The following TRAF3IP3 variants were observed in gnomAD, a reference collection of about 807,000 sequenced individuals.
TRAF3IP3 encodes TRAF3 interacting protein 3.
Under a neutral mutation model 86.5 loss-of-function variants are expected in TRAF3IP3, and 64 were observed. The ratio of observed to expected loss-of-function variants is 0.74; its 90% confidence interval spans 0.60 to 0.91. The LOEUF (loss-of-function observed/expected upper bound fraction) is 0.91, where lower values mean the gene tolerates loss of function less well. Among genes scored for constraint, TRAF3IP3 ranks in the 40% least tolerant of loss-of-function variants. TRAF3IP3 has a pLI of 0.00. For synonymous variants in TRAF3IP3, 220 were observed against 243.9 expected (o/e 0.90, Z 0.91); for missense variants, 579 against 642.9 (o/e 0.90, Z 1.07).
At chr1:209,769,079 A>G (rs1434344474) in intron 8 of TRAF3IP3, among the ~76,000 whole-genome samples, 1 of 152,232 alleles carries the variant, frequency 6.6e-6, no homozygotes, top group Non-Finnish European at 1.5e-5. Flanking sequence ...ATACTATGGA[A>G]TGGGGAGAGA....
chr1:209,777,495 T>G lies in TRAF3IP3; in HGVS notation c.1189+8T>G, dbSNP rs1202150702. ...ATACCCAGGACCTACAAGGTACTCT[T>G]CTCCTTGGAGGCCTTGAGTGCATGG... On this transcript the variant is annotated splice_region_variant and intron_variant, in intron 12 of 16. Coordinates refer to ENST00000367025, the MANE Select transcript of TRAF3IP3 (RefSeq NM_025228.4). 3 of 1,606,212 alleles carry G rather than the reference T, an allele frequency of 1.9e-6. No individual in the cohort carries two copies. The highest frequency in any genetic ancestry group is 2.6e-6 in the Non-Finnish European group (3 of 1,175,060).
At position 209,762,443 on chromosome 1, in the gene TRAF3IP3, T is replaced by C. The variant is rs1571913707; in HGVS notation, c.346-72T>C. 13 of 1,388,856 alleles carry C rather than the reference T, an allele frequency of 9.4e-6. No homozygotes were observed. In the East Asian group the frequency reaches 2.2e-4, roughly 24 times the overall value. The allele number at this position is 1,388,856 out of a possible 1,614,324, so 86.0% of individuals were successfully genotyped here. A position where few individuals can be genotyped will look rare whatever the true frequency, so the allele number is the denominator to read the frequency against. On this transcript the variant is annotated intron_variant, in intron 3 of 16. Coordinates refer to ENST00000367025, the MANE Select transcript of TRAF3IP3 (RefSeq NM_025228.4). ...ACAAACATGATGGTTAGTTCTTCCT[T>C]CCGAAATCATCAGGAGAGTCTTTCA...
chr1:209,772,700 T>C lies in TRAF3IP3; in HGVS notation c.703-248T>C, dbSNP rs538929851. ...CCCCCTGCTATGCTACCCTGAGCCATTTGATAAAAATCGAGGTAAAAAGAG... is the reference window on the plus strand; with the variant it reads ...CCCCCTGCTATGCTACCCTGAGCCACTTGATAAAAATCGAGGTAAAAAGAG... On this transcript the variant is annotated intron_variant, in intron 8 of 16. Transcript: ENST00000367025. 1.3e-4 allele frequency among the ~76,000 whole-genome samples: 20 copies of C among 151,338 alleles called. No homozygotes were observed. In the South Asian group the frequency reaches 4.1e-3, roughly 31 times the overall value.
At chr1:209,757,990 G>A (rs949797187) in intron 1 of TRAF3IP3, among the ~76,000 whole-genome samples, 1 of 152,248 alleles carries the variant, frequency 6.6e-6, no homozygotes, top group African/African-American at 2.4e-5. Flanking sequence ...ATGAGTCCAC[G>A]CAGTGTGACT....
Position 209,775,700 on chromosome 1 carries a change from G to A in TRAF3IP3, c.1017G>A (p.Leu339=). Residue 339 remains leucine (L), a synonymous_variant, in exon 11 of 17, where the codon CTG becomes CTA. Coordinates refer to ENST00000367025, the MANE Select transcript of TRAF3IP3 (RefSeq NM_025228.4). ...CCCTTGGGACCCAGCACAGGGAGCTGGAGAGCCAACTCCACGTGCTTCAGT... is the reference window on the plus strand; with the variant it reads ...CCCTTGGGACCCAGCACAGGGAGCTAGAGAGCCAACTCCACGTGCTTCAGT... The part of the protein sequence containing the change: ...WRTLGTQHRE[L]ESQLHVLQSK... 6.2e-7 allele frequency: 1 copy of A among 1,613,736 alleles called. No individual in the cohort carries two copies. The highest frequency in any genetic ancestry group is 8.5e-7 in the Non-Finnish European group (1 of 1,179,934).
At chr1:209,777,210 C>G (rs908313804) in intron 11 of TRAF3IP3, 142 bp from the exon 12 acceptor site, 4 of 624,118 alleles carry the variant, frequency 6.4e-6, no homozygotes. Context: ...AGAAAGACTT[C>G]TCTATTTTCT....
At chr1:209,777,305 C>G in intron 11 of TRAF3IP3, 47 bp from the exon 12 acceptor site, 1 of 1,567,558 alleles carries the variant, frequency 6.4e-7, no homozygotes, top group Non-Finnish European at 8.7e-7. Flanking sequence ...CCAACCTCCA[C>G]CCCAACACTG....
Position 209,779,356 on chromosome 1 carries a change from A to C in TRAF3IP3, c.1294A>C (p.Lys432Gln). 1 of 1,614,154 alleles carries C rather than the reference A, an allele frequency of 6.2e-7. No homozygotes were observed. The highest frequency in any genetic ancestry group is 8.5e-7 in the Non-Finnish European group (1 of 1,179,954). Residue 432 changes from lysine to glutamine, a missense_variant, in exon 14 of 17, where the codon AAA becomes CAA. By Grantham distance (53) the Lys-to-Gln change is moderately conservative. Coordinates refer to ENST00000367025, the MANE Select transcript of TRAF3IP3 (RefSeq NM_025228.4). ...ATCCTTACAGCTTCAAGAACAGGAGAAACTCTTAACAAAGAAAGGTCAGCA... is the reference window on the plus strand; with the variant it reads ...ATCCTTACAGCTTCAAGAACAGGAGCAACTCTTAACAAAGAAAGGTCAGCA... ...NQSLQLQEQE[K>Q]LLTKKDQALP...
intron 14 of TRAF3IP3, 49 bp downstream of exon 14, chr1:209,779,423 C>T: frequency 1.3e-6 from 2 of 1,538,134 alleles, no homozygotes; most frequent in Non-Finnish European, 1.8e-6. Flanking sequence ...CTTCTCTTAC[C>T]TGCCTAGAGG....
At chr1:209,778,048 C>G in intron 12 of TRAF3IP3, 63 bp from the exon 13 acceptor site, 2 of 1,404,196 alleles carry the variant, frequency 1.4e-6, no homozygotes, top group Non-Finnish European at 2.0e-6. Flanking sequence ...AATTTCCATC[C>G]TAAGTACTGA....
chr1:209,778,289 T>C, intron 13 of TRAF3IP3, 116 bp downstream of exon 13: 2 of 734,582 alleles, frequency 2.7e-6, no homozygotes, highest in South Asian at 3.5e-5. Context: ...TCTAACTCTG[T>C]GCACTTTCAG....
Position 209,775,683 on chromosome 1 carries a change from A to G in TRAF3IP3, c.1000A>G (p.Thr334Ala). ...GAAGGAGGACTGGAGGACCCTTGGG[A>G]CCCAGCACAGGGAGCTGGAGAGCCA... ...ALKEDWRTLG[T>A]QHRELESQLH... The change falls in exon 11 of 17, where the codon ACC becomes GCC. Residue 334 changes from threonine to alanine, a missense_variant. Coordinates refer to ENST00000367025, the MANE Select transcript of TRAF3IP3 (RefSeq NM_025228.4). The G allele has an allele frequency of 6.2e-7, 1 of 1,614,076 alleles. No individual in the cohort carries two copies. The highest frequency in any genetic ancestry group is 8.5e-7 in the Non-Finnish European group (1 of 1,180,010).
chr1:209,762,474 C>CTGGA (rs1416142759), intron 3 of TRAF3IP3, 41 bp from the exon 4 acceptor site: 1 of 1,434,568 alleles, frequency 7.0e-7, no homozygotes, highest in Non-Finnish European at 9.2e-7. Context: ...TTTCAAGAGG[C>CTGGA]TCCAGGCAGT....
At chr1:209,766,675 C>G (rs2077362877) in intron 8 of TRAF3IP3, among the ~76,000 whole-genome samples, 1 of 152,140 alleles carries the variant, frequency 6.6e-6, no homozygotes, top group Non-Finnish European at 1.5e-5. Flanking sequence ...ACCAGCCTGG[C>G]CAACATGGCG....
At chr1:209,765,525 G>A (rs140683555) in intron 8 of TRAF3IP3, among the ~76,000 whole-genome samples, 305 of 152,134 alleles carry the variant, frequency 2.0e-3, no homozygotes, top group Non-Finnish European at 3.5e-3. Context: ...AAATTAGCCA[G>A]GTACATTGGC....
intron 3 of TRAF3IP3, among the ~76,000 whole-genome samples, chr1:209,760,758 C>A (rs1242362720): frequency 6.6e-6 from 1 of 151,950 alleles, no homozygotes; most frequent in Non-Finnish European, 1.5e-5. Flanking sequence ...AGAGACAAGA[C>A]CCTGTCTCTA....
chr1:209,768,368 A>C, intron 8 of TRAF3IP3: 7 of 985,476 alleles, frequency 7.1e-6, no homozygotes, highest in Non-Finnish European at 8.4e-6. Flanking sequence ...AGGAGGGTCC[A>C]ACCTTCAGGG....
At chr1:209,768,634 G>A (rs771521655) in intron 8 of TRAF3IP3, 5 of 985,832 alleles carry the variant, frequency 5.1e-6, no homozygotes, top group Non-Finnish European at 4.8e-6. Flanking sequence ...GCAGAAGCAG[G>A]AGCTGAAGAC....
In TRAF3IP3 at chr1:209,763,283, C is replaced by T. The variant is rs946845726; in HGVS notation, c.577-80C>T. 1.2e-4 allele frequency: 190 copies of T among 1,543,872 alleles called. 1 individual carries two copies. The African/African-American group carries it at 2.4e-3, about 19-fold the overall frequency. The stretch of plus-strand genomic sequence containing the variant: ...GCAGAAGAGGTTTGCTCTACACAAG[C>T]CAGCCCAGGCTCTGGTTCTATATCC... On this transcript the variant is annotated intron_variant, in intron 6 of 16. Coordinates refer to ENST00000367025, the MANE Select transcript of TRAF3IP3 (RefSeq NM_025228.4).
Sources: gnomAD v4.1 joint callset for allele counts (sites outside exome capture counted in the v4.1 genomes callset) on GRCh38, gnomAD v4.1.1 for gene constraint, MANE v1.5 for transcripts, NCBI Gene and HGNC (gene_info 2026-07-23, HGNC 2026-07-21) for gene names.